TTI2: variants seen among roughly 807,000 people sequenced by gnomAD.
The protein encoded by TTI2 is TELO2-interacting protein 2.
TTI2 carries 26 observed loss-of-function variants against 44.9 expected under a neutral mutation model. The ratio of observed to expected loss-of-function variants is 0.58; its 90% CI spans 0.42 to 0.80. The LOEUF (loss-of-function observed/expected upper bound fraction) is 0.80. TTI2 is among the 30% of genes least tolerant of loss of function. The pLI is 0.00. For synonymous variants in TTI2, 254 were observed against 250.9 expected, an observed-to-expected ratio of 1.01 and a Z score of -0.12; for missense variants, 582 against 611.6, an observed-to-expected ratio of 0.95 and a Z score of 0.51.
intron 2 of TTI2, among the ~76,000 whole-genome samples, chr8:33,511,025 C>T (rs1343705388): frequency 6.6e-6 from 1 of 152,026 alleles, no homozygotes; most frequent in Non-Finnish European, 1.5e-5. Flanking sequence ...CTCTCTAAAT[C>T]CCCCATCCAA....
At chr8:33,503,976 T>C in intron 4 of TTI2, 41 bp from the exon 5 acceptor site, 2 of 1,605,348 alleles carry the variant, frequency 1.2e-6, no homozygotes, top group Non-Finnish European at 1.7e-6. Flanking sequence ...AGTTCATCCA[T>C]TTGCATTTAC....
In TTI2 at chr8:33,512,296, G is replaced by A; in HGVS notation, c.318C>T (p.His106=). 6.2e-7 allele frequency: 1 copy of A among 1,614,178 alleles called. No homozygotes were observed. Residue 106 remains histidine (H), a synonymous_variant, in exon 2 of 8, where the codon CAC becomes CAT. Coordinates refer to ENST00000431156, the MANE Select transcript of TTI2 (RefSeq NM_001102401.4). ...GGGCTGCTTTCTCGGCCGCTTCGGA[G>A]TGCCCATCACCTCCACCTTCCTCCT... ...SKEEEGGGDG[H]SEAAEKAAQV...
chr8:33,504,130 C>T (rs1809209669), intron 4 of TTI2, among the ~76,000 whole-genome samples, 195 bp from the exon 5 acceptor site: 1 of 152,050 alleles, frequency 6.6e-6, no homozygotes, highest in East Asian at 1.9e-4. Context: ...CTCCATCTGA[C>T]AGTCTCAAAT....
intron 2 of TTI2, among the ~76,000 whole-genome samples, chr8:33,510,479 C>T (rs1189927655): frequency 6.6e-6 from 1 of 152,132 alleles, no homozygotes; most frequent in Non-Finnish European, 1.5e-5. Flanking sequence ...CAGGCTCAAG[C>T]GATTCTCCTG....
Position 33,512,682 on chromosome 8 carries a change from G to A in TTI2, c.-69C>T. ...GGATGGAGGCGGGGAGGGATCCGTT[G>A]AAGAGGGAAGGAGCGATCACCCAAA... On this transcript the variant is annotated 5_prime_UTR_variant, in exon 2 of 8. Coordinates refer to ENST00000431156, the MANE Select transcript of TTI2 (RefSeq NM_001102401.4). 1 of 1,560,170 alleles carries A rather than the reference G, an allele frequency of 6.4e-7. No individual in the cohort carries two copies. The highest frequency in any genetic ancestry group is 8.7e-7 in the Non-Finnish European group (1 of 1,145,674).
chr8:33,499,500 A>G (rs1808984971), intron 7 of TTI2: 1 of 450,270 alleles, frequency 2.2e-6, no homozygotes, highest in African/African-American at 2.0e-5. Context: ...GTGTTAATGT[A>G]CTTGCAAATC....
At chr8:33,501,793 C>T (rs757521324) in intron 6 of TTI2, among the ~76,000 whole-genome samples, 1 of 152,130 alleles carries the variant, frequency 6.6e-6, no homozygotes, top group Admixed American at 6.6e-5. Context: ...GCACTAGATT[C>T]TCTGGCTGAA....
chr8:33,503,963 C>T, intron 4 of TTI2, 28 bp from the exon 5 acceptor site: 2 of 1,610,644 alleles, frequency 1.2e-6, no homozygotes, highest in South Asian at 2.2e-5. Flanking sequence ...AAGGACGGTG[C>T]ATAGTTCATC....
intron 6 of TTI2, among the ~76,000 whole-genome samples, chr8:33,501,907 T>C (rs1039124272): frequency 6.6e-6 from 1 of 152,168 alleles, no homozygotes; most frequent in African/African-American, 2.4e-5. Flanking sequence ...TCCAAGCAAG[T>C]ATATCCTACA....
intron 2 of TTI2, 47 bp from the exon 3 acceptor site, chr8:33,509,979 CA>C (rs10588315): frequency 0.32 from 128,532 of 406,262 alleles, 6,928 homozygotes; most frequent in African/African-American, 0.36. Context: ...TGATAAGTAG[CA>C]AAAAAAAAAA....
At position 33,503,908 on chromosome 8, in the gene TTI2, A is replaced by G. The variant is rs775309150; in HGVS notation, c.955T>C (p.Phe319Leu). The G allele has an allele frequency of 2.0e-5, 33 of 1,614,132 alleles. No homozygotes were observed. Among genetic ancestry groups the G allele is most frequent in the Non-Finnish European group, 2.5e-5 (30 of 1,180,028 alleles). The change falls in exon 5 of 8, where the codon TTC becomes CTC. Residue 319 changes from phenylalanine to leucine, a missense_variant. Phe to Leu is a conservative substitution (Grantham distance 22). Transcript: ENST00000431156. ...TGCAGGGTTTTCTCCAGGATGGGGAATAAATCCAGCAGACACAGGAGCACA... is the reference window on the plus strand; with the variant it reads ...TGCAGGGTTTTCTCCAGGATGGGGAGTAAATCCAGCAGACACAGGAGCACA... ...QAVLLCLLDL[F>L]PILEKTLHWK...
At chr8:33,502,093 G>A (rs7821999) in intron 6 of TTI2, among the ~76,000 whole-genome samples, 10,355 of 151,990 alleles carry the variant, frequency 0.068, 670 homozygotes, top group African/African-American at 0.18. Flanking sequence ...ACAGGTGCGC[G>A]CCACCATGCC....
intron 2 of TTI2, among the ~76,000 whole-genome samples, chr8:33,511,313 G>A (rs1047427923): frequency 1.3e-5 from 2 of 152,010 alleles, no homozygotes; most frequent in Non-Finnish European, 2.9e-5. Flanking sequence ...AAAGTGCTGG[G>A]ACTACAGGAG....
At chr8:33,504,103 T>C (rs555295099) in intron 4 of TTI2, among the ~76,000 whole-genome samples, 168 bp from the exon 5 acceptor site, 1 of 152,222 alleles carries the variant, frequency 6.6e-6, no homozygotes, top group Non-Finnish European at 1.5e-5. Flanking sequence ...ATTTTCAAAC[T>C]TTTTTACATT....
chr8:33,507,302 T>A lies in TTI2; in HGVS notation c.854A>T (p.Gln285Leu). 1 of 1,614,212 alleles carries A rather than the reference T, an allele frequency of 6.2e-7. No individual in the cohort carries two copies. The highest frequency in any genetic ancestry group is 8.5e-7 in the Non-Finnish European group (1 of 1,180,026). Reference sequence around the variant, plus strand: ...GTATAGGACCTGGGCTCTGTTATACTGGAGCAAATCAGCAGCTGGCTGCAA... The same window carrying A: ...GTATAGGACCTGGGCTCTGTTATACAGGAGCAAATCAGCAGCTGGCTGCAA... ...VLNVPAADLL[Q>L]YNRAQVLYHA... Residue 285 changes from glutamine (Q) to leucine (L), a missense_variant, in exon 4 of 8, where the codon CAG becomes CTG. Physicochemically the swap from Gln to Leu is moderately radical, Grantham distance 113. Transcript: ENST00000431156.
intron 6 of TTI2, among the ~76,000 whole-genome samples, chr8:33,502,438 C>G (rs1809117708): frequency 6.6e-6 from 1 of 151,906 alleles, no homozygotes. Flanking sequence ...TATGGTTTCC[C>G]AACCTATTTG....
Position 33,499,313 on chromosome 8 carries a change from T to A in TTI2, c.1423-36A>T, listed in dbSNP as rs561419398. ...AAACCAAACAGGCTTTGATATTTTT[T>A]TTTTTTTAATTACTTTCCCCTTTTG... is the stretch of plus-strand genomic sequence containing the variant. On this transcript the variant is annotated intron_variant, in intron 7 of 7. Transcript: ENST00000431156. 122 of 1,466,694 alleles carry A rather than the reference T, an allele frequency of 8.3e-5. 1 individual carries two copies. The highest frequency in any genetic ancestry group is 3.2e-4 in the South Asian group (28 of 87,524). The allele number at this position is 1,466,694 out of a possible 1,614,324, so 90.9% of individuals were successfully genotyped here.
intron 1 of TTI2, 54 bp downstream of exon 1, chr8:33,513,028 A>T (rs1809620019): frequency 6.3e-6 from 1 of 159,486 alleles, no homozygotes; most frequent in Non-Finnish European, 1.4e-5. Flanking sequence ...AAACTTAAAA[A>T]TTTAAAGAAA....
At chr8:33,502,809 G>C (rs1418721596) in intron 6 of TTI2, among the ~76,000 whole-genome samples, 1 of 149,988 alleles carries the variant, frequency 6.7e-6, no homozygotes, top group Non-Finnish European at 1.5e-5. Flanking sequence ...CTGGGTGACA[G>C]AGCAATACTC....
Sources: gnomAD v4.1 joint callset for allele counts (sites outside exome capture counted in the v4.1 genomes callset) on GRCh38, gnomAD v4.1.1 for gene constraint, MANE v1.5 for transcripts, NCBI Gene and HGNC (gene_info 2026-07-23, HGNC 2026-07-21) for gene names.